The following ZNF546 variants were observed in gnomAD, a reference collection of about 807,000 sequenced individuals.
ZNF546 encodes zinc finger protein 546.
ZNF546 carries 60 observed loss-of-function variants against 76.2 expected under a neutral mutation model. That is an observed-to-expected ratio of 0.79 (90% CI 0.64 to 0.98). The LOEUF is 0.98. Among genes scored for constraint, ZNF546 ranks in the 50% least tolerant of loss-of-function variants. The pLI is 0.00. For synonymous variants in ZNF546, 277 were observed against 328.1 expected, an observed-to-expected ratio of 0.84 and a Z score of 1.68; for missense variants, 936 against 1,035.6, an observed-to-expected ratio of 0.90 and a Z score of 1.32.
In ZNF546 at chr19:39,998,413, A is replaced by G. The variant is rs1468047709; in HGVS notation, c.84+3A>G. ...CTCTGCACTCACTTTCTATAATGGT[A>G]GAGAAATGCATATCCTGGAGTCTAA... is the stretch of plus-strand genomic sequence containing the variant. On this transcript the variant is annotated splice_donor_region_variant and intron_variant, in intron 3 of 6. Transcript: ENST00000347077. 4 of 1,610,876 alleles carry G rather than the reference A, an allele frequency of 2.5e-6. No individual in the cohort carries two copies. In the South Asian group the frequency reaches 3.3e-5, roughly 13 times the overall value.
intron 6 of ZNF546, 125 bp downstream of exon 6, chr19:40,008,690 G>T: frequency 1.7e-6 from 1 of 583,352 alleles, no homozygotes; most frequent in Admixed American, 2.8e-5. Context: ...GTGGAAAAAG[G>T]ACTGATACCT....
At position 40,014,054 on chromosome 19, in the gene ZNF546, G is replaced by A. The variant is rs750251417; in HGVS notation, c.784G>A (p.Val262Ile). The A allele has an allele frequency of 3.1e-6, 5 of 1,612,634 alleles. No homozygotes were observed. The highest frequency in any genetic ancestry group is 3.4e-6 in the Non-Finnish European group (4 of 1,179,020). The stretch of plus-strand genomic sequence containing the variant: ...CTTTTGTCGAGTGGGAGACCTTAGA[G>A]TACATCACACAATCCATGCTGGGGA... ...KAFCRVGDLR[V>I]HHTIHAGERP... Residue 262 changes from valine (V) to isoleucine (I), a missense_variant, in exon 7 of 7, where the codon GTA (valine) becomes ATA (isoleucine). Val to Ile is a conservative substitution (Grantham distance 29). Coordinates refer to ENST00000347077, the MANE Select transcript of ZNF546 (RefSeq NM_178544.5).
intron 6 of ZNF546, among the ~76,000 whole-genome samples, chr19:40,010,615 T>C (rs1405678190): frequency 6.6e-6 from 1 of 152,230 alleles, no homozygotes; most frequent in Non-Finnish European, 1.5e-5. Flanking sequence ...CTTTTTATTC[T>C]TAATTTATCA....
rs780087129 is a variant in ZNF546 at position 40,015,508 on chromosome 19, G to C, written c.2238G>C (p.Glu746Asp). 8.7e-6 allele frequency: 14 copies of C among 1,613,890 alleles called. No individual in the cohort carries two copies. The highest frequency in any genetic ancestry group is 1.1e-5 in the Non-Finnish European group (13 of 1,180,014). The change falls in exon 7 of 7, where the codon GAG (glutamate) becomes GAC (aspartate). Residue 746 changes from glutamate (E) to aspartate (D), a missense_variant. Transcript: ENST00000347077. ...LTQHFRLHTGEKPYSCKECGN... is the reference protein window; with the variant it reads ...LTQHFRLHTGDKPYSCKECGN... Reference sequence around the variant, plus strand: ...AACATTTTAGACTTCATACTGGTGAGAAACCTTATAGCTGTAAAGAATGTG... The same window carrying C: ...AACATTTTAGACTTCATACTGGTGACAAACCTTATAGCTGTAAAGAATGTG...
intron 3 of ZNF546, among the ~76,000 whole-genome samples, chr19:40,005,449 A>G (rs528443693): frequency 9.7e-4 from 148 of 152,266 alleles, no homozygotes; most frequent in Middle Eastern, 3.4e-3. Flanking sequence ...TAGCATTTAC[A>G]CAGTATTCAT....
At chr19:40,000,693 T>G (rs1222389530) in intron 3 of ZNF546, among the ~76,000 whole-genome samples, 1 of 151,922 alleles carries the variant, frequency 6.6e-6, no homozygotes, top group East Asian at 1.9e-4. Flanking sequence ...TGTAAATCTT[T>G]CCATATAGAA....
At chr19:40,007,439 G>T in intron 5 of ZNF546, 39 bp downstream of exon 5, 1 of 1,532,142 alleles carries the variant, frequency 6.5e-7, no homozygotes, top group South Asian at 1.3e-5. Context: ...TCTGTTTTCT[G>T]GAGTATCAGC....
rs1287776545 is a variant in ZNF546, at chr19:40,014,539, T to C, written c.1269T>C (p.Ser423=). The C allele has an allele frequency of 6.2e-7, 1 of 1,613,920 alleles. No individual in the cohort carries two copies. The highest frequency in any genetic ancestry group is 8.5e-7 in the Non-Finnish European group (1 of 1,180,026). ...GTAAAGAATGTGGTAAGTCCTTTAG[T>C]TTTCATGCAGAACTTGCTCGACATC... is the stretch of plus-strand genomic sequence containing the variant. ...YECKECGKSF[S]FHAELARHRR... is the part of the protein sequence containing the mutation. Residue 423 remains serine (S), a synonymous_variant, in exon 7 of 7, where the codon AGT becomes AGC. Coordinates refer to ENST00000347077, the MANE Select transcript of ZNF546 (RefSeq NM_178544.5).
rs1357201729 is a variant in ZNF546 at position 40,016,254 on chromosome 19, C to G, written c.*473C>G. On this transcript the variant is annotated 3_prime_UTR_variant, in exon 7 of 7. Transcript: ENST00000347077. ...ATAAAATGCGGGCCAGGCACAGTGGCTCACACCTGTAATCCCAGCACTATG... is the reference window on the plus strand; with the variant it reads ...ATAAAATGCGGGCCAGGCACAGTGGGTCACACCTGTAATCCCAGCACTATG... 1 of 174,698 alleles carries G rather than the reference C, an allele frequency of 5.7e-6. No homozygotes were observed. Among genetic ancestry groups the G allele is most frequent in the African/African-American group, 2.4e-5 (1 of 41,636 alleles). 10.8% of individuals were successfully genotyped at this position (174,698 alleles called of 1,614,324 possible).
At chr19:40,013,331 T>C (rs1467173975) in intron 6 of ZNF546, among the ~76,000 whole-genome samples, 2 of 152,152 alleles carry the variant, frequency 1.3e-5, no homozygotes, top group South Asian at 2.1e-4. Context: ...ATGTAAACAC[T>C]TTTTGAAATT....
Position 40,019,499 on chromosome 19 carries a change from T to G in ZNF546, c.*3718T>G, listed in dbSNP as rs1971826216. 1 of 152,208 alleles carries G rather than the reference T, an allele frequency of 6.6e-6. No homozygotes were observed. The highest frequency in any genetic ancestry group is 1.5e-5 in the Non-Finnish European group (1 of 68,016). 9.4% of individuals were successfully genotyped at this position (152,208 alleles called of 1,614,324 possible). A position where few individuals can be genotyped will look rare whatever the true frequency, so the allele number is the denominator to read the frequency against. ...TATTAATACTTGATTTTAGTATAGC[T>G]AATCAAAGGAAAAAGATAATTACAG... On this transcript the variant is annotated 3_prime_UTR_variant, in exon 7 of 7. Transcript: ENST00000347077.
At position 40,015,506 on chromosome 19, in the gene ZNF546, G is replaced by A. The variant is rs2144653119; in HGVS notation, c.2236G>A (p.Glu746Lys). Residue 746 changes from glutamate to lysine, a missense_variant, in exon 7 of 7, where the codon GAG becomes AAG. Physicochemically the swap from Glu to Lys is moderately conservative, Grantham distance 56 (BLOSUM62 1). Transcript: ENST00000347077. ...LTQHFRLHTG[E>K]KPYSCKECGN... is the part of the protein sequence containing the mutation. ...TCAACATTTTAGACTTCATACTGGT[G>A]AGAAACCTTATAGCTGTAAAGAATG... 1.2e-6 allele frequency: 2 copies of A among 1,614,172 alleles called. No homozygotes were observed. The highest frequency in any genetic ancestry group is 4.5e-5 in the East Asian group (2 of 44,866).
In ZNF546 at chr19:40,015,763, A is replaced by C. The variant is rs1479077484; in HGVS notation, c.2493A>C (p.Glu831Asp). The change falls in exon 7 of 7, where the codon GAA (glutamate) becomes GAC (aspartate). Residue 831 changes from glutamate to aspartate, a missense_variant. By Grantham distance (45) the Glu-to-Asp change is conservative. Coordinates refer to ENST00000347077, the MANE Select transcript of ZNF546 (RefSeq NM_178544.5). The stretch of plus-strand genomic sequence containing the variant: ...ATCAGAGAAATCATATTAGTGAGGA[A>C]GTCCTATGCATAATGTAAAGAGAAT... ...TLHQRNHISE[E>D]VLCIM 6.2e-7 allele frequency: 1 copy of C among 1,612,208 alleles called. No homozygotes were observed.
intron 6 of ZNF546, among the ~76,000 whole-genome samples, chr19:40,011,701 T>G (rs1162047035): frequency 6.6e-6 from 1 of 152,228 alleles, no homozygotes; most frequent in African/African-American, 2.4e-5. Flanking sequence ...TCAGTATCTT[T>G]CATGTACACA....
intron 6 of ZNF546, among the ~76,000 whole-genome samples, chr19:40,010,122 G>A (rs950278259): frequency 6.6e-6 from 1 of 152,158 alleles, no homozygotes; most frequent in Non-Finnish European, 1.5e-5. Context: ...GGTTGTATCA[G>A]CCAGTAGCAG....
Position 40,014,657 on chromosome 19 carries a change from C to T in ZNF546, c.1387C>T (p.His463Tyr), listed in dbSNP as rs769928918. 2.5e-6 allele frequency: 4 copies of T among 1,613,986 alleles called. No homozygotes were observed. The highest frequency in any genetic ancestry group is 3.4e-6 in the Non-Finnish European group (4 of 1,179,988). ...QTELTRHHRT[H>Y]TGEKPYECKE... ...GGAACTTACTCGGCATCATAGAACT[C>T]ATACTGGTGAGAAACCCTATGAATG... Residue 463 changes from histidine (H) to tyrosine (Y), a missense_variant, in exon 7 of 7, where the codon CAT becomes TAT. By Grantham distance (83) the His-to-Tyr change is moderately conservative (BLOSUM62 2). Coordinates refer to ENST00000347077, the MANE Select transcript of ZNF546 (RefSeq NM_178544.5).
Position 40,015,896 on chromosome 19 carries a change from T to C in ZNF546, c.*115T>C. 1.1e-6 allele frequency: 1 copy of C among 943,612 alleles called. No homozygotes were observed. The highest frequency in any genetic ancestry group is 1.7e-6 in the Non-Finnish European group (1 of 604,742). The allele number at this position is 943,612 out of a possible 1,614,324, so 58.5% of individuals were successfully genotyped here. On this transcript the variant is annotated 3_prime_UTR_variant, in exon 7 of 7. Coordinates refer to ENST00000347077, the MANE Select transcript of ZNF546 (RefSeq NM_178544.5). ...CCTTTTACTTCATGCTCACAATTTATCAGAAATTATTTCGTATGTTAAAGA... is the reference window on the plus strand; with the variant it reads ...CCTTTTACTTCATGCTCACAATTTACCAGAAATTATTTCGTATGTTAAAGA...
rs1244766040 is a variant in ZNF546, at chr19:40,015,325, AG to A, written c.2057del (p.Gly686AlafsTer84). On this transcript the variant is annotated frameshift_variant, in exon 7 of 7. Transcript: ENST00000347077. LOFTEE classifies it high-confidence loss of function. Reference sequence around the variant, plus strand: ...ACTATCATCTTACTCAACATCACAGAGGCCATACTGGTGAGAAGCCCTACAT... The same window carrying A: ...ACTATCATCTTACTCAACATCACAGAGCCATACTGGTGAGAAGCCCTACAT... ...RHYHLTQHHR[G>X]HTGEKPYICN... is the part of the protein sequence containing the mutation. 4 of 1,614,186 alleles carry A rather than the reference AG, an allele frequency of 2.5e-6. 1 individual carries two copies.
At chr19:39,998,060 A>G (rs1301532082) in intron 2 of ZNF546, 145 bp downstream of exon 2, 1 of 475,310 alleles carries the variant, frequency 2.1e-6, no homozygotes, top group Non-Finnish European at 3.8e-6. Context: ...CTGTCACCTC[A>G]TTGCTCACAG....
Sources: gnomAD v4.1 joint callset for allele counts (sites outside exome capture counted in the v4.1 genomes callset) on GRCh38, gnomAD v4.1.1 for gene constraint, MANE v1.5 for transcripts, NCBI Gene and HGNC (gene_info 2026-07-23, HGNC 2026-07-21) for gene names.